The following RBMS1 variants were observed in gnomAD, a reference collection of about 807,000 sequenced individuals.
RBMS1 encodes the protein RNA binding motif single stranded interacting protein 1.
Under a neutral mutation model 62.3 loss-of-function variants are expected in RBMS1, and 17 were observed. That is an observed-to-expected ratio of 0.27 (90% CI 0.19 to 0.41). The LOEUF (loss-of-function observed/expected upper bound fraction) is 0.41, where lower values mean the gene tolerates loss of function less well. Among genes scored for constraint, RBMS1 ranks in the 10% least tolerant of loss-of-function variants. The pLI, the probability that RBMS1 is intolerant of heterozygous loss-of-function variation, is 1.00. For missense variants in RBMS1, 334 were observed against 504.5 expected (o/e 0.66, Z 3.24); for synonymous variants, 172 against 170.0 (o/e 1.01, Z -0.09).
At chr2:160,394,257 T>C (rs1695019520) in intron 1 of RBMS1, among the ~76,000 whole-genome samples, 1 of 152,186 alleles carries the variant, frequency 6.6e-6, no homozygotes, top group African/African-American at 2.4e-5. Flanking sequence ...CAGCAGTGTG[T>C]TCCTCACAGA....
intron 1 of RBMS1, among the ~76,000 whole-genome samples, chr2:160,416,758 ATCTT>A (rs1344581637): frequency 6.6e-6 from 1 of 152,196 alleles, no homozygotes; most frequent in African/African-American, 2.4e-5. Context: ...TTATCAATAA[ATCTT>A]TCAGTAATTG....
At chr2:160,454,796 T>C (rs1216822160) in intron 1 of RBMS1, among the ~76,000 whole-genome samples, 1 of 152,172 alleles carries the variant, frequency 6.6e-6, no homozygotes, top group African/African-American at 2.4e-5. Context: ...AGTGACAGGA[T>C]CAGATTAATG....
intron 1 of RBMS1, among the ~76,000 whole-genome samples, chr2:160,370,953 A>C (rs1693694435): frequency 6.6e-6 from 1 of 152,276 alleles, no homozygotes; most frequent in Non-Finnish European, 1.5e-5. Flanking sequence ...CTCTTAAAAA[A>C]ATCAGTTTTA....
chr2:160,468,208 A>G (rs1684771799), intron 1 of RBMS1, among the ~76,000 whole-genome samples: 1 of 152,216 alleles, frequency 6.6e-6, no homozygotes, highest in Admixed American at 6.5e-5. Flanking sequence ...ATAAGGTGAT[A>G]TTATATATAT....
At chr2:160,319,896 G>A (rs574069011) in intron 2 of RBMS1, among the ~76,000 whole-genome samples, 2 of 152,296 alleles carry the variant, frequency 1.3e-5, no homozygotes, top group African/African-American at 4.8e-5. Flanking sequence ...AACTAGGCAT[G>A]AAAGTAAAGA....
intron 1 of RBMS1, among the ~76,000 whole-genome samples, chr2:160,415,574 T>C (rs926802161): frequency 1.2e-4 from 19 of 152,204 alleles, no homozygotes; most frequent in African/African-American, 4.3e-4. Context: ...GACCATGTCC[T>C]TTACATGAGT....
chr2:160,422,734 C>T (rs1696484365), intron 1 of RBMS1, among the ~76,000 whole-genome samples: 1 of 151,804 alleles, frequency 6.6e-6, no homozygotes, highest in Non-Finnish European at 1.5e-5. Flanking sequence ...GCCCTTTCAT[C>T]CTATCTTTAA....
chr2:160,489,377 T>A (rs1381519487), intron 1 of RBMS1, among the ~76,000 whole-genome samples: 1 of 152,214 alleles, frequency 6.6e-6, no homozygotes, highest in African/African-American at 2.4e-5. Context: ...TTACTTCTTA[T>A]GACACAAAGC....
At chr2:160,348,782 T>C (rs1243741625) in intron 2 of RBMS1, among the ~76,000 whole-genome samples, 2 of 152,162 alleles carry the variant, frequency 1.3e-5, no homozygotes, top group African/African-American at 4.8e-5. Context: ...AGAAAATGTA[T>C]CTCAATGCAT....
chr2:160,371,700 A>G (rs1474787688), intron 1 of RBMS1, among the ~76,000 whole-genome samples: 1 of 152,214 alleles, frequency 6.6e-6, no homozygotes, highest in Non-Finnish European at 1.5e-5. Context: ...AGCGTTCATC[A>G]GCACTCAGAG....
intron 1 of RBMS1, among the ~76,000 whole-genome samples, chr2:160,462,275 C>T (rs1684497969): frequency 6.6e-6 from 1 of 152,178 alleles, no homozygotes; most frequent in Admixed American, 6.5e-5. Context: ...AGCATTTGAC[C>T]ATGCTTAGTA....
intron 1 of RBMS1, among the ~76,000 whole-genome samples, chr2:160,454,331 T>C (rs1455164841): frequency 1.3e-5 from 2 of 152,216 alleles, no homozygotes; most frequent in African/African-American, 4.8e-5. Flanking sequence ...TGCTTACTAT[T>C]TGTGCTAGGT....
intron 6 of RBMS1, 26 bp downstream of exon 6, chr2:160,300,625 G>T: frequency 1.3e-6 from 2 of 1,578,348 alleles, no homozygotes; most frequent in South Asian, 1.2e-5. Flanking sequence ...GAAGACTACT[G>T]ATGAAGTTTC....
intron 2 of RBMS1, among the ~76,000 whole-genome samples, chr2:160,332,823 A>G (rs1030078269): frequency 2.0e-5 from 3 of 151,124 alleles, no homozygotes; most frequent in Non-Finnish European, 2.9e-5. Flanking sequence ...TCTTTACATG[A>G]CATGGTTTTA....
chr2:160,348,013 A>G (rs778392269), intron 2 of RBMS1, among the ~76,000 whole-genome samples: 119 of 152,046 alleles, frequency 7.8e-4, no homozygotes, highest in Non-Finnish European at 1.5e-3. Flanking sequence ...CCGAGCTTTG[A>G]CCATTCTAGA....
At chr2:160,311,240 A>ATATATATATATATATC (rs1689885284) in intron 4 of RBMS1, among the ~76,000 whole-genome samples, 1 of 91,482 alleles carries the variant, frequency 1.1e-5, no homozygotes, top group Non-Finnish European at 2.5e-5. Context: ...ATCTATATAT[A>ATATATATATATATATC]TATATATATA....
intron 1 of RBMS1, among the ~76,000 whole-genome samples, chr2:160,444,000 G>T (rs1683534109): frequency 6.6e-6 from 1 of 152,076 alleles, no homozygotes; most frequent in Non-Finnish European, 1.5e-5. Context: ...CTAACTCAAT[G>T]GGGATATCTT....
intron 2 of RBMS1, among the ~76,000 whole-genome samples, chr2:160,342,769 C>CAAAAAAA (rs550170417): frequency 2.0e-4 from 23 of 117,288 alleles, no homozygotes; most frequent in East Asian, 4.9e-4. Flanking sequence ...ATACAAAATA[C>CAAAAAAA]AAAAAAAAAA....
At chr2:160,466,234 C>T (rs1027563889) in intron 1 of RBMS1, among the ~76,000 whole-genome samples, 2 of 151,706 alleles carry the variant, frequency 1.3e-5, no homozygotes, top group Non-Finnish European at 2.9e-5. Flanking sequence ...GCCAATCATG[C>T]CTATAAAAAC....
Sources: gnomAD v4.1 joint callset for allele counts (sites outside exome capture counted in the v4.1 genomes callset) on GRCh38, gnomAD v4.1.1 for gene constraint, MANE v1.5 for transcripts, NCBI Gene and HGNC (gene_info 2026-07-23, HGNC 2026-07-21) for gene names.